TRHDE: variants seen among roughly 807,000 people sequenced by gnomAD.
TRHDE encodes thyrotropin releasing hormone degrading enzyme, also known as thyrotropin-releasing hormone-degrading ectoenzyme.
A neutral mutation model predicts 125.7 loss-of-function variants in TRHDE; 72 were observed. That is an observed-to-expected ratio of 0.57 (90% CI 0.47 to 0.70). The LOEUF is 0.70. Ranked by LOEUF, TRHDE falls within the 30% of genes least tolerant of loss-of-function variation. The pLI, the probability that TRHDE is intolerant of heterozygous loss-of-function variation, is 0.00. For synonymous variants in TRHDE, 509 were observed against 509.1 expected, an observed-to-expected ratio of 1.00 and a Z score of 0.00; for missense variants, 1,110 against 1,327.1, an observed-to-expected ratio of 0.84 and a Z score of 2.54.
At chr12:72,399,813 A>G (rs1020953109) in intron 3 of TRHDE, among the ~76,000 whole-genome samples, 38 of 152,200 alleles carry the variant, frequency 2.5e-4, no homozygotes, top group African/African-American at 8.2e-4. Flanking sequence ...TTTTTAAAAA[A>G]AGAGTAAACT....
intron 6 of TRHDE, among the ~76,000 whole-genome samples, chr12:72,500,723 TA>T (rs1878114136): frequency 6.6e-6 from 1 of 152,034 alleles, no homozygotes; most frequent in Non-Finnish European, 1.5e-5. Flanking sequence ...CTGTGAGGGA[TA>T]AAAAGATATC....
chr12:72,496,308 A>G (rs549073857), intron 5 of TRHDE, among the ~76,000 whole-genome samples: 1 of 152,180 alleles, frequency 6.6e-6, no homozygotes, highest in South Asian at 2.1e-4. Context: ...GCTAATAGAG[A>G]CATATGTGAG....
rs138650588 is a variant in TRHDE, at chr12:72,631,451, C to G, written c.2675+9700C>G. Reference sequence around the variant, plus strand: ...GATTCTTAACTATTTAAGTGAGTATCCTTTGTCAAATTTAATTATATCAGT... The same window carrying G: ...GATTCTTAACTATTTAAGTGAGTATGCTTTGTCAAATTTAATTATATCAGT... On this transcript the variant is annotated intron_variant, in intron 15 of 18. Transcript: ENST00000261180. Among the ~76,000 whole-genome samples, 29 of 151,810 alleles carry G rather than the reference C, an allele frequency of 1.9e-4. No individual in the cohort carries two copies. The East Asian group carries it at 4.7e-3, about 24-fold the overall frequency.
chr12:72,526,545 G>A (rs913820742), intron 6 of TRHDE, among the ~76,000 whole-genome samples: 2 of 152,072 alleles, frequency 1.3e-5, no homozygotes, highest in African/African-American at 2.4e-5. Flanking sequence ...ACATAAATAT[G>A]CAAAGATATT....
chr12:72,261,273 C>A (rs1423266434), intron 2 of TRHDE, among the ~76,000 whole-genome samples: 2 of 152,124 alleles, frequency 1.3e-5, no homozygotes, highest in Non-Finnish European at 2.9e-5. Context: ...TCAGTTAAAG[C>A]ACTAACTTTG....
intron 1 of TRHDE, among the ~76,000 whole-genome samples, chr12:72,284,181 A>T (rs1879795580): frequency 6.6e-6 from 1 of 152,064 alleles, no homozygotes; most frequent in African/African-American, 2.4e-5. Context: ...TCCAAAATCT[A>T]AAAAAATCCA....
At chr12:72,504,995 T>G (rs961475977) in intron 6 of TRHDE, among the ~76,000 whole-genome samples, 4 of 152,072 alleles carry the variant, frequency 2.6e-5, no homozygotes, top group Non-Finnish European at 5.9e-5. Context: ...TTATTCTCCC[T>G]GAATAATAAT....
intron 10 of TRHDE, among the ~76,000 whole-genome samples, chr12:72,569,575 C>A (rs1870622557): frequency 6.6e-6 from 1 of 152,134 alleles, no homozygotes; most frequent in Admixed American, 6.5e-5. Context: ...GCTCAAAATA[C>A]ATATATGTAT....
chr12:72,544,534 C>T (rs1869316262), intron 7 of TRHDE, among the ~76,000 whole-genome samples: 2 of 151,292 alleles, frequency 1.3e-5, no homozygotes, highest in Admixed American at 1.3e-4. Context: ...TTTATTCTCC[C>T]CCCTTTTTTT....
chr12:72,522,213 A>G (rs937532684), intron 6 of TRHDE, among the ~76,000 whole-genome samples: 4 of 152,224 alleles, frequency 2.6e-5, no homozygotes, highest in Non-Finnish European at 5.9e-5. Flanking sequence ...CACCTACACC[A>G]GACTGCTTAA....
intron 3 of TRHDE, among the ~76,000 whole-genome samples, chr12:72,410,643 A>C (rs1281486540): frequency 6.6e-6 from 1 of 152,190 alleles, no homozygotes; most frequent in Non-Finnish European, 1.5e-5. Context: ...TAGAGGCAGA[A>C]AAACAATAAA....
At chr12:72,484,620 G>A (rs1461994359) in intron 5 of TRHDE, among the ~76,000 whole-genome samples, 3 of 152,140 alleles carry the variant, frequency 2.0e-5, no homozygotes, top group African/African-American at 7.2e-5. Flanking sequence ...GTTAACAAAT[G>A]TCAAGATCAC....
At chr12:72,634,749 G>GTGTT (rs1873656086) in intron 15 of TRHDE, among the ~76,000 whole-genome samples, 1 of 150,046 alleles carries the variant, frequency 6.7e-6, no homozygotes, top group South Asian at 2.1e-4. Flanking sequence ...AGAATATGCG[G>GTGTT]TGTTTGGTTT....
intron 2 of TRHDE, among the ~76,000 whole-genome samples, chr12:72,112,927 A>C (rs1875354445): frequency 6.6e-6 from 1 of 152,202 alleles, no homozygotes; most frequent in East Asian, 1.9e-4. Flanking sequence ...GATCTCACCA[A>C]AGGGCAGCCA....
rs188504610 is a variant in TRHDE at position 72,356,746 on chromosome 12, G to T, written c.1189-21249G>T. Among the ~76,000 whole-genome samples, 51 of 151,416 alleles carry T rather than the reference G, an allele frequency of 3.4e-4. 1 individual carries two copies. The highest frequency in any genetic ancestry group is 3.0e-3 in the Admixed American group (46 of 15,140). Reference sequence around the variant, plus strand: ...AAGGGCTTGTGATGGATTGGATTTGGGATGGTTTGGTGAGGTAGAGGGAGA... The same window carrying T: ...AAGGGCTTGTGATGGATTGGATTTGTGATGGTTTGGTGAGGTAGAGGGAGA... On this transcript the variant is annotated intron_variant, in intron 2 of 18. Transcript: ENST00000261180.
At chr12:72,207,213 T>C (rs1877685745) in intron 2 of TRHDE, among the ~76,000 whole-genome samples, 2 of 152,088 alleles carry the variant, frequency 1.3e-5, no homozygotes, top group Non-Finnish European at 1.5e-5. Context: ...ATGTGCAAAA[T>C]AGAAAATGGG....
At chr12:72,428,462 CA>C (rs1874283251) in intron 3 of TRHDE, among the ~76,000 whole-genome samples, 1 of 151,966 alleles carries the variant, frequency 6.6e-6, no homozygotes, top group African/African-American at 2.4e-5. Context: ...GATAAAGTAT[CA>C]AAAAGGATCA....
chr12:72,368,163 T>C (rs1754395000), intron 2 of TRHDE, among the ~76,000 whole-genome samples: 1 of 152,166 alleles, frequency 6.6e-6, no homozygotes, highest in Admixed American at 6.6e-5. Context: ...TTCATTCCCT[T>C]GAAATCGAAT....
At chr12:72,495,441 G>A (rs1238831058) in intron 5 of TRHDE, among the ~76,000 whole-genome samples, 1 of 151,922 alleles carries the variant, frequency 6.6e-6, no homozygotes, top group South Asian at 2.1e-4. Flanking sequence ...TGCCAGATTT[G>A]CCCTTTTTTA....
Sources: gnomAD v4.1 joint callset for allele counts (sites outside exome capture counted in the v4.1 genomes callset) on GRCh38, gnomAD v4.1.1 for gene constraint, MANE v1.5 for transcripts, NCBI Gene and HGNC (gene_info 2026-07-23, HGNC 2026-07-21) for gene names.